MLLT3: variants seen among roughly 807,000 people sequenced by gnomAD.
The protein encoded by MLLT3 is MLLT3 super elongation complex subunit.
MLLT3 carries 4 observed loss-of-function variants against 53.2 expected under a neutral mutation model. The observed-to-expected ratio is 0.08, with a 90% confidence interval of 0.04 to 0.17. MLLT3 has a LOEUF of 0.17. MLLT3 is among the 10% of genes least tolerant of loss of function. MLLT3 has a pLI of 1.00. For synonymous variants in MLLT3, 283 were observed against 230.6 expected (o/e 1.23, Z -2.06); for missense variants, 569 against 684.0 (o/e 0.83, Z 1.87).
chr9:20,615,486 T>C (rs1820810358), intron 2 of MLLT3, among the ~76,000 whole-genome samples: 1 of 151,178 alleles, frequency 6.6e-6, no homozygotes, highest in African/African-American at 2.4e-5. Flanking sequence ...TAGGTAATCA[T>C]TCACCGGAAT....
intron 5 of MLLT3, among the ~76,000 whole-genome samples, chr9:20,398,491 G>A (rs890207158): frequency 1.3e-5 from 2 of 152,120 alleles, no homozygotes; most frequent in African/African-American, 2.4e-5. Flanking sequence ...TATGCAACCT[G>A]AGGACACAGA....
At chr9:20,488,475 T>G (rs1824868365) in intron 2 of MLLT3, among the ~76,000 whole-genome samples, 1 of 152,166 alleles carries the variant, frequency 6.6e-6, no homozygotes, top group African/African-American at 2.4e-5. Flanking sequence ...ATTAAAAATT[T>G]GTTAGTAATT....
intron 2 of MLLT3, among the ~76,000 whole-genome samples, chr9:20,496,734 A>C (rs1311086021): frequency 6.6e-6 from 1 of 152,138 alleles, no homozygotes; most frequent in Non-Finnish European, 1.5e-5. Context: ...GAAGCCAAAA[A>C]TCGTCATGGT....
intron 2 of MLLT3, among the ~76,000 whole-genome samples, chr9:20,522,127 A>T (rs1223022051): frequency 6.6e-6 from 1 of 152,030 alleles, no homozygotes; most frequent in Non-Finnish European, 1.5e-5. Flanking sequence ...TACAAAAAAA[A>T]AATTATTTAA....
At chr9:20,514,875 CTGGT>C (rs1326974705) in intron 2 of MLLT3, among the ~76,000 whole-genome samples, 2 of 151,818 alleles carry the variant, frequency 1.3e-5, no homozygotes, top group African/African-American at 4.8e-5. Flanking sequence ...AATGTGTTTC[CTGGT>C]TACCACCAGT....
intron 5 of MLLT3, among the ~76,000 whole-genome samples, chr9:20,369,224 T>A (rs1039661642): frequency 1.3e-5 from 2 of 152,104 alleles, no homozygotes; most frequent in Admixed American, 1.3e-4. Context: ...GAGAAGCCTA[T>A]ATATGAGGAG....
At chr9:20,596,186 ACTTT>A (rs1252746105) in intron 2 of MLLT3, among the ~76,000 whole-genome samples, 1 of 152,192 alleles carries the variant, frequency 6.6e-6, no homozygotes, top group Non-Finnish European at 1.5e-5. Flanking sequence ...CCTCCATTGA[ACTTT>A]CTTATAGCAT....
intron 2 of MLLT3, among the ~76,000 whole-genome samples, chr9:20,467,049 T>C (rs1460035484): frequency 6.6e-6 from 1 of 152,128 alleles, no homozygotes; most frequent in Non-Finnish European, 1.5e-5. Context: ...GCAACTGAAT[T>C]AGGTATTTCT....
At chr9:20,358,000 C>CAG (rs1248162887) in intron 8 of MLLT3, among the ~76,000 whole-genome samples, 1 of 148,470 alleles carries the variant, frequency 6.7e-6, no homozygotes, top group African/African-American at 2.6e-5. Context: ...CACACACACA[C>CAG]ACACACACAC....
At chr9:20,517,455 C>CAAAAA (rs79900808) in intron 2 of MLLT3, among the ~76,000 whole-genome samples, 1 of 88,986 alleles carries the variant, frequency 1.1e-5, no homozygotes. Flanking sequence ...GACTCTGTCT[C>CAAAAA]AAAAAAAAAA....
At chr9:20,595,685 T>C (rs544242382) in intron 2 of MLLT3, among the ~76,000 whole-genome samples, 2 of 152,290 alleles carry the variant, frequency 1.3e-5, no homozygotes, top group Middle Eastern at 3.4e-3. Context: ...GAAAAGATTA[T>C]TGTAGCACAT....
rs1821301114 is a variant in MLLT3 at position 20,360,746 on chromosome 9, T to C, written c.1427A>G (p.Asn476Ser). Residue 476 changes from asparagine (N) to serine (S), a missense_variant, in exon 8 of 11, where the codon AAC becomes AGC. This residue lies in a region of MLLT3 where 437 missense variants were observed against 376.5 expected (regional missense o/e 1.16). Transcript: ENST00000380338. ...PPPPLLKTNN[N>S]QILEVKSPIK... Reference sequence around the variant, plus strand: ...AGTGCAAACCCCACAATTTACCTGGTTGTTGTTGGTTTTTAGTAAGGGTGG... The same window carrying C: ...AGTGCAAACCCCACAATTTACCTGGCTGTTGTTGGTTTTTAGTAAGGGTGG... 6.2e-7 allele frequency: 1 copy of C among 1,613,020 alleles called. No individual in the cohort carries two copies. Among genetic ancestry groups the C allele is most frequent in the African/African-American group, 1.3e-5 (1 of 74,886 alleles).
At chr9:20,517,601 C>T (rs983595576) in intron 2 of MLLT3, among the ~76,000 whole-genome samples, 1 of 152,046 alleles carries the variant, frequency 6.6e-6, no homozygotes, top group African/African-American at 2.4e-5. Flanking sequence ...CTTTGGGAGG[C>T]TGAGGCAGAT....
rs142816347 is a variant in MLLT3, at chr9:20,616,672, G to A, written c.193+3982C>T. Among the ~76,000 whole-genome samples the A allele has an allele frequency of 3.9e-4, 60 of 152,206 alleles. No homozygotes were observed. In the East Asian group the frequency reaches 8.1e-3, roughly 21 times the overall value. The stretch of plus-strand genomic sequence containing the variant: ...GAAAAAATGAGATCACAATGATTTA[G>A]CAACTTGCCTTATTTCACTTAATTA... On this transcript the variant is annotated intron_variant, in intron 2 of 10. Transcript: ENST00000380338.
At chr9:20,583,640 T>C (rs1360318713) in intron 2 of MLLT3, among the ~76,000 whole-genome samples, 4 of 152,178 alleles carry the variant, frequency 2.6e-5, no homozygotes, top group East Asian at 1.9e-4. Context: ...CAACATCACA[T>C]GGAAGCTGCC....
intron 2 of MLLT3, among the ~76,000 whole-genome samples, chr9:20,524,947 C>A (rs745825770): frequency 2.7e-4 from 41 of 151,996 alleles, no homozygotes; most frequent in Admixed American, 2.7e-3. Flanking sequence ...GGAACCCTGT[C>A]AGGCTACAGA....
rs1587130774 is a variant in MLLT3 at position 20,342,564 on chromosome 9, C to G, written c.*3879G>C. On this transcript the variant is annotated 3_prime_UTR_variant, in exon 11 of 11. Coordinates refer to ENST00000380338, the MANE Select transcript of MLLT3 (RefSeq NM_004529.4). ...GTACAAGTGCCAAAATACACATTTA[C>G]AGTTTACAGACAGCGGTGGCTTTGT... is the stretch of plus-strand genomic sequence containing the variant. The G allele has an allele frequency of 4.5e-6, 1 of 220,464 alleles. No individual in the cohort carries two copies. Among genetic ancestry groups the G allele is most frequent in the East Asian group, 6.6e-5 (1 of 15,046 alleles). The allele number at this position is 220,464 out of a possible 1,614,324, so 13.7% of individuals were successfully genotyped here.
At chr9:20,566,837 G>A (rs1283117274) in intron 2 of MLLT3, among the ~76,000 whole-genome samples, 3 of 152,052 alleles carry the variant, frequency 2.0e-5, no homozygotes, top group African/African-American at 7.2e-5. Flanking sequence ...GGCTCCAGGT[G>A]GTACACCAAA....
At chr9:20,378,028 G>A (rs1320717788) in intron 5 of MLLT3, among the ~76,000 whole-genome samples, 1 of 151,978 alleles carries the variant, frequency 6.6e-6, no homozygotes, top group African/African-American at 2.4e-5. Context: ...CTTTGGGTGT[G>A]GGTATGAATG....
Sources: gnomAD v4.1 joint callset for allele counts (sites outside exome capture counted in the v4.1 genomes callset) on GRCh38, gnomAD v4.1.1 for gene constraint, gnomAD v4.1.1 regional missense constraint, MANE v1.5 for transcripts, NCBI Gene and HGNC (gene_info 2026-07-23, HGNC 2026-07-21) for gene names.